KLK10: variants seen among roughly 807,000 people sequenced by gnomAD.
The protein encoded by KLK10 is kallikrein related peptidase 10.
In KLK10, 27 loss-of-function variants were observed where a neutral mutation model predicts 25.7. That is an observed-to-expected ratio of 1.05 (90% CI 0.77 to 1.45). The LOEUF (loss-of-function observed/expected upper bound fraction) is 1.45, where lower values mean the gene tolerates loss of function less well. Among genes scored for constraint, KLK10 ranks in the 40% most tolerant of loss-of-function variants. The pLI, the probability that KLK10 is intolerant of heterozygous loss-of-function variation, is 0.00. For synonymous variants in KLK10, 173 were observed against 160.1 expected, an observed-to-expected ratio of 1.08 and a Z score of -0.61; for missense variants, 386 against 370.0, an observed-to-expected ratio of 1.04 and a Z score of -0.35.
chr19:51,017,271 G>A lies in KLK10; in HGVS notation c.108C>T (p.Leu36=), dbSNP rs775631907. 1.9e-5 allele frequency: 31 copies of A among 1,606,950 alleles called. No individual in the cohort carries two copies. Among genetic ancestry groups the A allele is most frequent in the Non-Finnish European group, 2.4e-5 (28 of 1,177,298 alleles). Residue 36 remains leucine (L), a synonymous_variant, in exon 3 of 6, where the codon CTC becomes CTT. Transcript: ENST00000358789. The part of the protein sequence containing the change: ...AQLWAAEAAL[L]PQNDTRLDPE... ...GGTCCAAGCGCGTGTCGTTTTGGGG[G>A]AGCAGCGCCGCCTCTGCGGCTGGAG...
intron 2 of KLK10, 97 bp downstream of exon 2, chr19:51,018,946 G>C: frequency 1.1e-6 from 1 of 920,488 alleles, no homozygotes. Context: ...GGGTCTCGGG[G>C]GAGGAGAGGT....
rs142615389 is a variant in KLK10, at chr19:51,013,489, A to G, written c.*1311T>C. On this transcript the variant is annotated 3_prime_UTR_variant, in exon 6 of 6. Coordinates refer to ENST00000358789, the MANE Select transcript of KLK10 (RefSeq NM_145888.3). ...AGGCTGGATGGAGTGCAATGGTGCA[A>G]TCTTGGCTCACTGCAACCTCTGCCC... The G allele has an allele frequency of 0.018, 2,729 of 152,346 alleles. 74 individuals are homozygous for G. The highest frequency in any genetic ancestry group is 0.057 in the African/African-American group (2,371 of 41,524). The allele number at this position is 152,346 out of a possible 1,614,324, so 9.4% of individuals were successfully genotyped here.
intron 4 of KLK10, 27 bp from the exon 5 acceptor site, chr19:51,015,577 C>T: frequency 6.2e-7 from 1 of 1,610,614 alleles, no homozygotes; most frequent in Admixed American, 1.7e-5. Flanking sequence ...CCAGTAATCC[C>T]TGGGTCCAGC....
Position 51,014,778 on chromosome 19 carries a change from C to T in KLK10, c.*22G>A. 1 of 1,610,536 alleles carries T rather than the reference C, an allele frequency of 6.2e-7. No homozygotes were observed. Among genetic ancestry groups the T allele is most frequent in the African/African-American group, 1.3e-5 (1 of 74,992 alleles). The stretch of plus-strand genomic sequence containing the variant: ...ATCAGCAGGAGCATAACATCTGGAT[C>T]AGCTGGAGCGTAGCATCTGGATCAG... On this transcript the variant is annotated 3_prime_UTR_variant, in exon 6 of 6. Coordinates refer to ENST00000358789, the MANE Select transcript of KLK10 (RefSeq NM_145888.3).
chr19:51,017,931 G>A (rs900214631), intron 2 of KLK10, among the ~76,000 whole-genome samples: 4 of 148,544 alleles, frequency 2.7e-5, no homozygotes, highest in African/African-American at 7.5e-5. Flanking sequence ...AGCCCAGGAG[G>A]TGGAGGTTGC....
intron 4 of KLK10, 157 bp downstream of exon 4, chr19:51,015,725 C>A: frequency 9.4e-7 from 1 of 1,060,912 alleles, no homozygotes; most frequent in Non-Finnish European, 1.3e-6. Flanking sequence ...CCCAGCCCCT[C>A]CTCCCCTCAG....
chr19:51,014,623 G>A lies in KLK10; in HGVS notation c.*177C>T. On this transcript the variant is annotated 3_prime_UTR_variant, in exon 6 of 6. Transcript: ENST00000358789. ...GTACAGGCAGAGAATGGGGATAGGTGGGGGAATGAGGTGAGAGGGGAGATG... is the reference window on the plus strand; with the variant it reads ...GTACAGGCAGAGAATGGGGATAGGTAGGGGAATGAGGTGAGAGGGGAGATG... 3 of 554,822 alleles carry A rather than the reference G, an allele frequency of 5.4e-6. No homozygotes were observed. In the South Asian group the frequency reaches 7.3e-5, roughly 13 times the overall value. The allele number at this position is 554,822 out of a possible 1,614,324, so 34.4% of individuals were successfully genotyped here.
Position 51,016,091 on chromosome 19 carries a change from G to C in KLK10, c.335C>G (p.Thr112Ser). The change falls in exon 4 of 6, where the codon ACC becomes AGC. Residue 112 changes from threonine to serine, a missense_variant. Thr to Ser is a moderately conservative substitution (Grantham distance 58). Coordinates refer to ENST00000358789, the MANE Select transcript of KLK10 (RefSeq NM_145888.3). ...CTTGGGATGGACAACAGAGCGAGTG[G>C]TCCGGCGGAGCTGCTCTCCCTGAAG... ...LLLQGEQLRRTTRSVVHPKYH... is the reference protein window; with the variant it reads ...LLLQGEQLRRSTRSVVHPKYH... 1 of 1,578,160 alleles carries C rather than the reference G, an allele frequency of 6.3e-7. No homozygotes were observed.
chr19:51,016,588 AT>A (rs984199855), intron 3 of KLK10, among the ~76,000 whole-genome samples: 5 of 148,624 alleles, frequency 3.4e-5, no homozygotes, highest in African/African-American at 1.2e-4. Flanking sequence ...TTTTTTTAAA[AT>A]TTTTTATTTT....
At chr19:51,017,469 G>C in intron 2 of KLK10, 179 bp from the exon 3 acceptor site, 1 of 619,420 alleles carries the variant, frequency 1.6e-6, no homozygotes, top group East Asian at 2.8e-5. Context: ...GAAGAAGCGC[G>C]TGAAAGTGGA....
chr19:51,016,067 T>G lies in KLK10; in HGVS notation c.359A>C (p.Lys120Thr). 1 of 1,571,802 alleles carries G rather than the reference T, an allele frequency of 6.4e-7. No individual in the cohort carries two copies. Reference sequence around the variant, plus strand: ...GATGGGGCCTGAGCCCTGGTGGTACTTGGGATGGACAACAGAGCGAGTGGT... The same window carrying G: ...GATGGGGCCTGAGCCCTGGTGGTACGTGGGATGGACAACAGAGCGAGTGGT... ...RRTTRSVVHP[K>T]YHQGSGPILP... is the part of the protein sequence containing the mutation. The change falls in exon 4 of 6, where the codon AAG becomes ACG. Residue 120 changes from lysine to threonine, a missense_variant. Physicochemically the swap from Lys to Thr is moderately conservative, Grantham distance 78. Transcript: ENST00000358789.
rs1257769119 is a variant in KLK10, at chr19:51,014,871, G to A, written c.760C>T (p.Gln254Ter). The change falls in exon 6 of 6, where the codon CAG becomes TAG. Residue 254 changes from glutamine to a stop codon, truncating the protein, a stop_gained. Coordinates refer to ENST00000358789, the MANE Select transcript of KLK10 (RefSeq NM_145888.3). LOFTEE classifies it low-confidence loss of function (END_TRUNC). ...SWGVYPCGSA[Q>*]HPAVYTQICK... is the part of the protein sequence containing the mutation. ...ATCTGGGTGTAGACAGCTGGATGCT[G>A]GGCAGAGCCACAGGGGTAAACACCC... The A allele has an allele frequency of 6.2e-7, 1 of 1,614,012 alleles. No individual in the cohort carries two copies. Among genetic ancestry groups the A allele is most frequent in the Admixed American group, 1.7e-5 (1 of 60,016 alleles).
chr19:51,012,976 G>A lies in KLK10; in HGVS notation c.*1824C>T, dbSNP rs1270636992. ...GTGCCTGGTCTGATTCATCTTTGAG[G>A]CCTGGCATAAGACGTGGCTCGATAA... On this transcript the variant is annotated 3_prime_UTR_variant, in exon 6 of 6. Coordinates refer to ENST00000358789, the MANE Select transcript of KLK10 (RefSeq NM_145888.3). 6.6e-6 allele frequency: 1 copy of A among 152,158 alleles called. No individual in the cohort carries two copies. Among genetic ancestry groups the A allele is most frequent in the Admixed American group, 6.5e-5 (1 of 15,274 alleles). The allele number at this position is 152,158 out of a possible 1,614,324, so 9.4% of individuals were successfully genotyped here.
chr19:51,014,467 C>T lies in KLK10; in HGVS notation c.*333G>A. The T allele has an allele frequency of 4.4e-6, 1 of 225,728 alleles. No individual in the cohort carries two copies. Among genetic ancestry groups the T allele is most frequent in the Non-Finnish European group, 8.8e-6 (1 of 114,198 alleles). The allele number at this position is 225,728 out of a possible 1,614,324, so 14.0% of individuals were successfully genotyped here. A position where few individuals can be genotyped will look rare whatever the true frequency, so the allele number is the denominator to read the frequency against. Reference sequence around the variant, plus strand: ...AGAGGGCACTTGGCTTGCCCAAAGTCACACAGCAGGGAGTGGCAGAGGAAG... The same window carrying T: ...AGAGGGCACTTGGCTTGCCCAAAGTTACACAGCAGGGAGTGGCAGAGGAAG... On this transcript the variant is annotated 3_prime_UTR_variant, in exon 6 of 6. Coordinates refer to ENST00000358789, the MANE Select transcript of KLK10 (RefSeq NM_145888.3).
chr19:51,015,627 G>C (rs1023958356), intron 4 of KLK10, 77 bp from the exon 5 acceptor site: 5 of 1,496,620 alleles, frequency 3.3e-6, no homozygotes, highest in South Asian at 1.1e-5. Flanking sequence ...ATACAAGACC[G>C]TTTCTATCCT....
rs200698129 is a variant in KLK10, at chr19:51,018,787, A to ACG, written c.88+254_88+255dup. On this transcript the variant is annotated intron_variant, in intron 2 of 5. Transcript: ENST00000358789. ...GGGCGGCGTAAGAGGAGGAGAAAGA[A>ACG]CGCGGCGAAGAGTCCACGGAAGAGC... 3.5e-3 allele frequency: 1,923 copies of ACG among 551,984 alleles called. 29 individuals are homozygous for ACG. Among genetic ancestry groups the ACG allele is most frequent in the African/African-American group, 0.034 (1,735 of 51,778 alleles). The allele number at this position is 551,984 out of a possible 1,614,324, so 34.2% of individuals were successfully genotyped here. A position where few individuals can be genotyped will look rare whatever the true frequency, so the allele number is the denominator to read the frequency against.
At position 51,017,303 on chromosome 19, in the gene KLK10, A is replaced by G. The variant is rs2091343416; in HGVS notation, c.89-13T>C. 2.5e-6 allele frequency: 4 copies of G among 1,593,032 alleles called. No individual in the cohort carries two copies. Among genetic ancestry groups the G allele is most frequent in the Non-Finnish European group, 2.6e-6 (3 of 1,171,540 alleles). On this transcript the variant is annotated splice_polypyrimidine_tract_variant and intron_variant, in intron 2 of 5. Coordinates refer to ENST00000358789, the MANE Select transcript of KLK10 (RefSeq NM_145888.3). ...GCCGCCTCTGCGGCTGGAGAAAGAA[A>G]GGGGACGGAATCAAAGCACGGAGGG...
chr19:51,014,848 C>T lies in KLK10; in HGVS notation c.783G>A (p.Gln261=), dbSNP rs765796058. The T allele has an allele frequency of 1.2e-6, 2 of 1,614,078 alleles. No homozygotes were observed. Among genetic ancestry groups the T allele is most frequent in the East Asian group, 2.2e-5 (1 of 44,884 alleles). ...GSAQHPAVYT[Q]ICKYMSWINK... ...TGATCCAGGACATGTATTTGCAGAT[C>T]TGGGTGTAGACAGCTGGATGCTGGG... Residue 261 remains glutamine (Q), a synonymous_variant, in exon 6 of 6, where the codon CAG becomes CAA. Transcript: ENST00000358789.
rs545567570 is a variant in KLK10, at chr19:51,019,125, T to C, written c.6A>G (p.Arg2=). 1 of 1,608,716 alleles carries C rather than the reference T, an allele frequency of 6.2e-7. No homozygotes were observed. The highest frequency in any genetic ancestry group is 1.1e-5 in the South Asian group (1 of 90,620). The stretch of plus-strand genomic sequence containing the variant: ...CGGCGGAGAGGTGGAGGTGCGGAGC[T>C]CTCATGGCCAGGATCTGCTGGGGTG... The part of the protein sequence containing the change: M[R]APHLHLSAAS... Residue 2 remains arginine, a synonymous_variant, in exon 2 of 6, where the codon AGA becomes AGG. Coordinates refer to ENST00000358789, the MANE Select transcript of KLK10 (RefSeq NM_145888.3). The surrounding 1 kb of genome is among the most constrained non-coding windows in gnomAD (Gnocchi z 4.2).
Sources: allele counts gnomAD v4.1 joint callset (sites outside exome capture counted in the v4.1 genomes callset), GRCh38; gene constraint gnomAD v4.1.1; non-coding constraint Gnocchi (gnomAD v3.1); transcripts MANE v1.5; gene names NCBI Gene and HGNC (gene_info 2026-07-23, HGNC 2026-07-21).